The following SLC20A2 variants were observed in gnomAD, a reference collection of about 807,000 sequenced individuals.
The protein encoded by SLC20A2 is solute carrier family 20 member 2, also known as sodium-dependent phosphate transporter 2.
Under a neutral mutation model 61.0 loss-of-function variants are expected in SLC20A2, and 30 were observed. The ratio of observed to expected loss-of-function variants is 0.49; its 90% confidence interval spans 0.37 to 0.67. The LOEUF is 0.67. Ranked by LOEUF, SLC20A2 falls within the 30% of genes least tolerant of loss-of-function variation. The probability of loss-of-function intolerance (pLI) is 0.00; values close to 1 mark genes in which losing one functional copy is unlikely to be tolerated. For synonymous variants in SLC20A2, 351 were observed against 353.3 expected, an observed-to-expected ratio of 0.99 and a Z score of 0.07; for missense variants, 626 against 866.4, an observed-to-expected ratio of 0.72 and a Z score of 3.48.
In SLC20A2 at chr8:42,453,552, C is replaced by T. The variant is rs185586807; in HGVS notation, c.613+6344G>A. On this transcript the variant is annotated intron_variant, in intron 5 of 10. Coordinates refer to ENST00000520262, the MANE Select transcript of SLC20A2 (RefSeq NM_001257180.2). ...CGGCTATTAATGACACAGCTGGACTCGCAGAGATACCCCATATGAGGAAAC... is the reference window on the plus strand; with the variant it reads ...CGGCTATTAATGACACAGCTGGACTTGCAGAGATACCCCATATGAGGAAAC... Among the ~76,000 whole-genome samples, 13 of 152,240 alleles carry T rather than the reference C, an allele frequency of 8.5e-5. No individual in the cohort carries two copies. In the East Asian group the frequency reaches 1.3e-3, roughly 16 times the overall value.
intron 1 of SLC20A2, among the ~76,000 whole-genome samples, chr8:42,523,029 G>T (rs1811686522): frequency 6.6e-6 from 1 of 151,956 alleles, no homozygotes; most frequent in Non-Finnish European, 1.5e-5. Context: ...CCAGCAAAAA[G>T]GGGTTTTAAA....
chr8:42,492,628 GC>G (rs1356187469), intron 1 of SLC20A2, among the ~76,000 whole-genome samples: 2 of 152,036 alleles, frequency 1.3e-5, no homozygotes, highest in Non-Finnish European at 2.9e-5. Flanking sequence ...TAAACCAAAG[GC>G]TAGGCCAAAA....
At chr8:42,512,465 C>T (rs1449497796) in intron 1 of SLC20A2, among the ~76,000 whole-genome samples, 3 of 151,826 alleles carry the variant, frequency 2.0e-5, no homozygotes, top group African/African-American at 7.3e-5. Flanking sequence ...ATTCTCCTGC[C>T]TCAGCCTCTC....
intron 1 of SLC20A2, among the ~76,000 whole-genome samples, chr8:42,490,916 C>CTTTTATAACT (rs137883642): frequency 0.015 from 2,341 of 152,228 alleles, 32 homozygotes; most frequent in Admixed American, 0.028. Context: ...CAGATGAGCT[C>CTTTTATAACT]TTTTATAACT....
rs1309379794 is a variant in SLC20A2, at chr8:42,439,513, C to G, written c.871G>C (p.Ala291Pro). Residue 291 changes from alanine to proline, a missense_variant, in exon 7 of 11, where the codon GCA becomes CCA. Ala to Pro is a conservative substitution (Grantham distance 27, BLOSUM62 -1). This residue lies in a region of SLC20A2 where 361 missense variants were observed against 422.3 expected (regional missense o/e 0.85). Coordinates refer to ENST00000520262, the MANE Select transcript of SLC20A2 (RefSeq NM_001257180.2). ...TCCGAGGTCCCCAGTGTCTCCCCTGCTGCTCCCGTGAGCGGGATGGTGCTG... is the reference window on the plus strand; with the variant it reads ...TCCGAGGTCCCCAGTGTCTCCCCTGGTGCTCCCGTGAGCGGGATGGTGCTG... Reference protein sequence around the residue: ...DDSTIPLTGAAGETLGTSEGT... With the variant: ...DDSTIPLTGAPGETLGTSEGT... The G allele has an allele frequency of 1.8e-5, 29 of 1,614,208 alleles. No homozygotes were observed. The highest frequency in any genetic ancestry group is 2.5e-5 in the Non-Finnish European group (29 of 1,180,048).
intron 1 of SLC20A2, among the ~76,000 whole-genome samples, chr8:42,513,152 G>C (rs755968694): frequency 4.6e-5 from 7 of 152,292 alleles, no homozygotes; most frequent in East Asian, 1.9e-4. Flanking sequence ...AGGAAAAAAA[G>C]TATTAAAAAT....
intron 1 of SLC20A2, among the ~76,000 whole-genome samples, chr8:42,490,973 A>G (rs1242119100): frequency 1.3e-5 from 2 of 152,254 alleles, no homozygotes; most frequent in African/African-American, 4.8e-5. Flanking sequence ...TTTTGCTTTT[A>G]GTCTTCAGAG....
At chr8:42,537,370 CAAAAAAA>C (rs34392956) in intron 1 of SLC20A2, among the ~76,000 whole-genome samples, 11 of 86,184 alleles carry the variant, frequency 1.3e-4, no homozygotes, top group Non-Finnish European at 2.1e-4. Flanking sequence ...GACCCTGTCT[CAAAAAAA>C]AAAAAAAAAA....
At chr8:42,425,064 C>G (rs1318478147) in intron 10 of SLC20A2, among the ~76,000 whole-genome samples, 1 of 152,022 alleles carries the variant, frequency 6.6e-6, no homozygotes, top group Non-Finnish European at 1.5e-5. Context: ...CAAAACAAAA[C>G]AAATCTATGC....
chr8:42,488,992 T>C (rs1321269325), intron 1 of SLC20A2, among the ~76,000 whole-genome samples: 1 of 141,938 alleles, frequency 7.0e-6, no homozygotes, highest in Non-Finnish European at 1.5e-5. Context: ...CAGGCTGGAA[T>C]GCAATGGTGC....
At chr8:42,419,264 T>C (rs1437382325) in intron 10 of SLC20A2, among the ~76,000 whole-genome samples, 2 of 152,100 alleles carry the variant, frequency 1.3e-5, no homozygotes, top group Non-Finnish European at 2.9e-5. Flanking sequence ...TTTATGACGA[T>C]GGCTATAAAA....
At chr8:42,418,230 G>C (rs1266190588) in intron 10 of SLC20A2, among the ~76,000 whole-genome samples, 1 of 152,206 alleles carries the variant, frequency 6.6e-6, no homozygotes, top group Non-Finnish European at 1.5e-5. Context: ...GCAGTGGTGT[G>C]ATCTCAGCTT....
Position 42,439,520 on chromosome 8 carries a change from C to A in SLC20A2, c.864G>T (p.Thr288=), listed in dbSNP as rs577212065. ...TCCCCAGTGTCTCCCCTGCTGCTCC[C>A]GTGAGCGGGATGGTGCTGTCATCAT... The part of the protein sequence containing the change: ...KANDDSTIPL[T]GAAGETLGTS... The change falls in exon 7 of 11, where the codon ACG becomes ACT. Residue 288 remains threonine (T), a synonymous_variant. Transcript: ENST00000520262. 4 of 1,614,212 alleles carry A rather than the reference C, an allele frequency of 2.5e-6. No homozygotes were observed. The highest frequency in any genetic ancestry group is 3.4e-6 in the Non-Finnish European group (4 of 1,180,044).
intron 1 of SLC20A2, among the ~76,000 whole-genome samples, chr8:42,528,179 T>A (rs988961802): frequency 6.6e-6 from 1 of 152,114 alleles, no homozygotes. Flanking sequence ...TGCATTTATA[T>A]GACAGGGCGC....
intron 2 of SLC20A2, among the ~76,000 whole-genome samples, chr8:42,468,077 T>C (rs1247471369): frequency 6.6e-6 from 1 of 152,044 alleles, no homozygotes; most frequent in African/African-American, 2.4e-5. Flanking sequence ...TAATTTTTTG[T>C]ATTTTTAGTA....
intron 1 of SLC20A2, among the ~76,000 whole-genome samples, chr8:42,528,597 C>A (rs1017999287): frequency 6.6e-6 from 1 of 152,066 alleles, no homozygotes; most frequent in Non-Finnish European, 1.5e-5. Flanking sequence ...AGATTAAAAT[C>A]CTGGCTTAAT....
chr8:42,540,058 G>A (rs1162344090), intron 1 of SLC20A2, among the ~76,000 whole-genome samples: 2 of 152,160 alleles, frequency 1.3e-5, no homozygotes, highest in Non-Finnish European at 2.9e-5. Flanking sequence ...TTGGGAGGCC[G>A]AGGCGGGCGG....
rs79850540 is a variant in SLC20A2, at chr8:42,439,779, T to C, written c.731-126A>G. On this transcript the variant is annotated intron_variant, in intron 6 of 10. Coordinates refer to ENST00000520262, the MANE Select transcript of SLC20A2 (RefSeq NM_001257180.2). ...ATTTTGGAAACAAAAAAAAAAGTTA[T>C]AGCTAGATAGAGAAAATGAAGTTGA... The C allele has an allele frequency of 1.2e-3, 883 of 719,256 alleles. 6 individuals are homozygous for C. The East Asian group carries it at 0.023, about 18-fold the overall frequency. The allele number at this position is 719,256 out of a possible 1,614,324, so 44.6% of individuals were successfully genotyped here.
chr8:42,498,552 C>T (rs147997949), intron 1 of SLC20A2, among the ~76,000 whole-genome samples: 46 of 152,286 alleles, frequency 3.0e-4, no homozygotes, highest in African/African-American at 1.1e-3. Flanking sequence ...TTGTGCACCG[C>T]ATGTGCTGTG....
Sources: allele counts gnomAD v4.1 joint callset (sites outside exome capture counted in the v4.1 genomes callset), GRCh38; gene constraint gnomAD v4.1.1; regional missense constraint gnomAD v4.1.1; transcripts MANE v1.5; gene names NCBI Gene and HGNC (gene_info 2026-07-23, HGNC 2026-07-21).